The following CNTNAP2 variants were observed in gnomAD, a reference collection of about 807,000 sequenced individuals.
The protein encoded by CNTNAP2 is contactin-associated protein-like 2.
CNTNAP2 carries 98 observed loss-of-function variants against 155.2 expected under a neutral mutation model. The observed-to-expected ratio is 0.63, with a 90% CI of 0.54 to 0.75. CNTNAP2 has a LOEUF of 0.75. Among genes scored for constraint, CNTNAP2 ranks in the 30% least tolerant of loss-of-function variants. The pLI, the probability that CNTNAP2 is intolerant of heterozygous loss-of-function variation, is 0.00. For missense variants in CNTNAP2, 1,727 were observed against 1,688.1 expected (o/e 1.02, Z -0.40); for synonymous variants, 651 against 631.2 (o/e 1.03, Z -0.47).
chr7:147,592,347 G>C (rs1800751665), intron 12 of CNTNAP2, among the ~76,000 whole-genome samples: 1 of 151,920 alleles, frequency 6.6e-6, no homozygotes, highest in African/African-American at 2.4e-5. Context: ...TAAACAAAAT[G>C]GTGAACTATA....
At chr7:146,870,213 C>CAT (rs1795278771) in intron 3 of CNTNAP2, among the ~76,000 whole-genome samples, 1 of 143,094 alleles carries the variant, frequency 7.0e-6, no homozygotes, top group South Asian at 2.2e-4. Context: ...AGGTCCTGGG[C>CAT]TTTTTTTTTT....
chr7:146,466,125 G>A (rs1485765216), intron 1 of CNTNAP2, among the ~76,000 whole-genome samples: 2 of 152,116 alleles, frequency 1.3e-5, no homozygotes, highest in Non-Finnish European at 2.9e-5. Flanking sequence ...TCAAAAAGTT[G>A]TTTTTACTTC....
intron 3 of CNTNAP2, among the ~76,000 whole-genome samples, chr7:146,982,858 C>T (rs1798044911): frequency 6.6e-6 from 1 of 152,022 alleles, no homozygotes; most frequent in Non-Finnish European, 1.5e-5. Context: ...TGCCCATTTC[C>T]AATTCTTTGA....
chr7:148,297,203 A>AGGAAGGAAGGAAGGAAGGAG (rs1797303341), intron 21 of CNTNAP2, among the ~76,000 whole-genome samples: 1 of 151,306 alleles, frequency 6.6e-6, no homozygotes, highest in Non-Finnish European at 1.5e-5. Flanking sequence ...GAAGGAAGGA[A>AGGAAGGAAGGAAGGAAGGAG]GGAAAAACAC....
chr7:146,610,838 C>T (rs904670373), intron 1 of CNTNAP2, among the ~76,000 whole-genome samples: 2 of 152,056 alleles, frequency 1.3e-5, no homozygotes, highest in Non-Finnish European at 2.9e-5. Context: ...ATGTTCCATC[C>T]CCAGAGTAAT....
chr7:147,073,312 TAAA>T (rs34336943), intron 4 of CNTNAP2, among the ~76,000 whole-genome samples: 9 of 140,334 alleles, frequency 6.4e-5, no homozygotes, highest in Non-Finnish European at 9.2e-5. Flanking sequence ...TGCAGGAATG[TAAA>T]AAAAAAAAAA....
chr7:147,448,698 G>A (rs1528511), intron 10 of CNTNAP2, among the ~76,000 whole-genome samples: 2,402 of 151,894 alleles, frequency 0.016, 68 homozygotes, highest in African/African-American at 0.055. Flanking sequence ...TAATAGGGAC[G>A]GGGAGAGGCA....
chr7:147,610,296 TG>T, intron 12 of CNTNAP2, among the ~76,000 whole-genome samples: 1 of 125,914 alleles, frequency 7.9e-6, no homozygotes, highest in Middle Eastern at 3.9e-3. Context: ...AGTTTTCAAG[TG>T]GTTTTTTTTC....
At chr7:148,038,180 A>C (rs1237843054) in intron 15 of CNTNAP2, among the ~76,000 whole-genome samples, 1 of 152,220 alleles carries the variant, frequency 6.6e-6, no homozygotes, top group Non-Finnish European at 1.5e-5. Flanking sequence ...ATACAATCTA[A>C]ACTATAGAGC....
rs147409823 is a variant in CNTNAP2, at chr7:148,277,586, A to ACC, written c.3475+10461_3475+10462dup. Among the ~76,000 whole-genome samples, 393 of 140,072 alleles carry ACC rather than the reference A, an allele frequency of 2.8e-3. 1 individual carries two copies. The highest frequency in any genetic ancestry group is 5.3e-3 in the East Asian group (24 of 4,514). The allele number at this position is 140,072 out of a possible 152,430, so 91.9% of individuals were successfully genotyped here. ...CTTGGCTGCCCCATGTTAGTACAGGACCGCCCCCCACCACCACCGACCCCC... is the reference window on the plus strand; with the variant it reads ...CTTGGCTGCCCCATGTTAGTACAGGACCCCGCCCCCCACCACCACCGACCCCC... On this transcript the variant is annotated intron_variant, in intron 21 of 23. Coordinates refer to ENST00000361727, the MANE Select transcript of CNTNAP2 (RefSeq NM_014141.6).
chr7:147,657,025 A>G (rs1381062399), intron 13 of CNTNAP2, among the ~76,000 whole-genome samples: 1 of 152,230 alleles, frequency 6.6e-6, no homozygotes, highest in Admixed American at 6.5e-5. Flanking sequence ...GGTTTCAAAA[A>G]GAAACTACTC....
At chr7:146,548,949 A>G (rs1389889854) in intron 1 of CNTNAP2, among the ~76,000 whole-genome samples, 2 of 151,532 alleles carry the variant, frequency 1.3e-5, no homozygotes, top group Admixed American at 1.3e-4. Context: ...ATGTCATAAA[A>G]GTTTTCCCAT....
intron 9 of CNTNAP2, among the ~76,000 whole-genome samples, chr7:147,340,338 T>A (rs1476315666): frequency 6.6e-6 from 1 of 152,142 alleles, no homozygotes; most frequent in East Asian, 1.9e-4. Context: ...TTATGTAAAA[T>A]GTCACACTTT....
intron 9 of CNTNAP2, among the ~76,000 whole-genome samples, chr7:147,338,271 T>A (rs2116854590): frequency 6.6e-6 from 1 of 152,240 alleles, no homozygotes; most frequent in East Asian, 1.9e-4. Context: ...GAGAACAGCA[T>A]GGGATAAACC....
intron 1 of CNTNAP2, among the ~76,000 whole-genome samples, chr7:146,377,599 T>C (rs1251971628): frequency 6.6e-6 from 1 of 152,162 alleles, no homozygotes; most frequent in Non-Finnish European, 1.5e-5. Flanking sequence ...CCCCTCCCAG[T>C]CACTACCGGC....
intron 21 of CNTNAP2, among the ~76,000 whole-genome samples, chr7:148,319,631 C>A (rs1031278230): frequency 3.3e-5 from 5 of 152,000 alleles, no homozygotes; most frequent in African/African-American, 1.2e-4. Context: ...CACCTTCTGT[C>A]AGCTCGGCAG....
At chr7:146,350,034 A>T (rs1323330204) in intron 1 of CNTNAP2, among the ~76,000 whole-genome samples, 1 of 152,176 alleles carries the variant, frequency 6.6e-6, no homozygotes, top group Non-Finnish European at 1.5e-5. Flanking sequence ...AGATTGGGGA[A>T]GTTCTTCTGG....
chr7:146,518,290 T>C (rs1043159669), intron 1 of CNTNAP2, among the ~76,000 whole-genome samples: 11 of 151,812 alleles, frequency 7.2e-5, no homozygotes, highest in Non-Finnish European at 8.8e-5. Context: ...AATCAGATGA[T>C]ATTTGATAAT....
chr7:146,760,671 T>C (rs1802082269), intron 1 of CNTNAP2, among the ~76,000 whole-genome samples: 1 of 151,918 alleles, frequency 6.6e-6, no homozygotes, highest in Non-Finnish European at 1.5e-5. Context: ...GCTATCTGCC[T>C]GACTTGTCCT....
Sources: gnomAD v4.1 joint callset for allele counts (sites outside exome capture counted in the v4.1 genomes callset) on GRCh38, gnomAD v4.1.1 for gene constraint, MANE v1.5 for transcripts, NCBI Gene and HGNC (gene_info 2026-07-23, HGNC 2026-07-21) for gene names.